The following RAB11FIP4 variants were observed in gnomAD, a reference collection of about 807,000 sequenced individuals.
RAB11FIP4 encodes the protein RAB11 family interacting protein 4, also known as rab11 family-interacting protein 4.
RAB11FIP4 carries 23 observed loss-of-function variants against 74.3 expected under a neutral mutation model. The ratio of observed to expected loss-of-function variants is 0.31; its 90% CI spans 0.22 to 0.44. RAB11FIP4 has a LOEUF of 0.44. Ranked by LOEUF, RAB11FIP4 falls within the 20% of genes least tolerant of loss-of-function variation. RAB11FIP4 has a pLI of 1.00. For missense variants in RAB11FIP4, 630 were observed against 863.9 expected, an observed-to-expected ratio of 0.73 and a Z score of 3.39; for synonymous variants, 360 against 359.9, an observed-to-expected ratio of 1.00 and a Z score of 0.00.
In RAB11FIP4 at chr17:31,450,636, C is replaced by G. The variant is rs574059484; in HGVS notation, c.336+16514C>G. ...TCCTCCTGGGTCCCTTTAAATGGCG[C>G]TGGGTCTCAGGCCTCGTCCTCACCC... On this transcript the variant is annotated intron_variant, in intron 3 of 14. Coordinates refer to ENST00000621161, the MANE Select transcript of RAB11FIP4 (RefSeq NM_032932.6). Among the ~76,000 whole-genome samples, 261 of 152,180 alleles carry G rather than the reference C, an allele frequency of 1.7e-3. 3 individuals are homozygous for G. Among genetic ancestry groups the G allele is most frequent in the Admixed American group, 0.013 (204 of 15,288 alleles).
At chr17:31,465,307 C>T (rs1373118697) in intron 3 of RAB11FIP4, among the ~76,000 whole-genome samples, 5 of 151,912 alleles carry the variant, frequency 3.3e-5, no homozygotes, top group African/African-American at 4.8e-5. Context: ...ATTCCTAGGC[C>T]CCATTGACTA....
At chr17:31,517,956 T>A in intron 4 of RAB11FIP4, 79 bp downstream of exon 4, 1 of 1,179,798 alleles carries the variant, frequency 8.5e-7, no homozygotes. Flanking sequence ...CTCCAGGAAG[T>A]AAATTTGAAA....
intron 3 of RAB11FIP4, among the ~76,000 whole-genome samples, chr17:31,478,136 G>A (rs1284237492): frequency 1.3e-5 from 2 of 151,674 alleles, no homozygotes; most frequent in South Asian, 2.1e-4. Context: ...GGGATTATAG[G>A]CGACCACCAC....
intron 3 of RAB11FIP4, among the ~76,000 whole-genome samples, chr17:31,443,474 T>G (rs1243958669): frequency 6.6e-6 from 1 of 152,248 alleles, no homozygotes; most frequent in East Asian, 1.9e-4. Flanking sequence ...GATTTTTAAT[T>G]CGTAGAATTG....
intron 1 of RAB11FIP4, among the ~76,000 whole-genome samples, chr17:31,400,333 G>T (rs560824951): frequency 6.6e-6 from 1 of 152,226 alleles, no homozygotes; most frequent in Non-Finnish European, 1.5e-5. Context: ...TCTTGGAAAC[G>T]TGGTCCAGGC....
chr17:31,514,764 C>A (rs1278259387), intron 3 of RAB11FIP4, among the ~76,000 whole-genome samples: 1 of 152,206 alleles, frequency 6.6e-6, no homozygotes, highest in Non-Finnish European at 1.5e-5. Context: ...CTCCCTCCTG[C>A]CTTGTTTCTC....
chr17:31,488,023 C>A (rs1456061383), intron 3 of RAB11FIP4: 4 of 1,011,922 alleles, frequency 4.0e-6, no homozygotes, highest in Non-Finnish European at 4.7e-6. Flanking sequence ...CCAGGCGCCT[C>A]GTGATGTCAC....
Position 31,528,834 on chromosome 17 carries a change from G to T in RAB11FIP4, c.1653+56G>T. The T allele has an allele frequency of 3.2e-6, 5 of 1,553,606 alleles. No homozygotes were observed. The South Asian group carries it at 3.5e-5, about 11-fold the overall frequency. On this transcript the variant is annotated intron_variant, in intron 13 of 14. Coordinates refer to ENST00000621161, the MANE Select transcript of RAB11FIP4 (RefSeq NM_032932.6). ...GCAGGGTGGCCGGGCCCACCACGTG[G>T]GTTTCCTGTGCAGGATCTGTGGTAG...
chr17:31,398,006 C>G (rs1430785371), intron 1 of RAB11FIP4, among the ~76,000 whole-genome samples: 1 of 152,102 alleles, frequency 6.6e-6, no homozygotes, highest in Non-Finnish European at 1.5e-5. Flanking sequence ...TCCCAAGTAG[C>G]TGGCACTGCA....
At chr17:31,456,901 G>A (rs140757916) in intron 3 of RAB11FIP4, among the ~76,000 whole-genome samples, 167 of 152,280 alleles carry the variant, frequency 1.1e-3, no homozygotes, top group African/African-American at 3.7e-3. Context: ...TGCAGTGGGA[G>A]AGAGCACTGA....
intron 3 of RAB11FIP4, among the ~76,000 whole-genome samples, chr17:31,497,205 A>G (rs2072133130): frequency 6.6e-6 from 1 of 152,054 alleles, no homozygotes; most frequent in South Asian, 2.1e-4. Context: ...CTCTACTGAA[A>G]ATACAAAAAT....
chr17:31,481,497 C>T (rs1184610287), intron 3 of RAB11FIP4, among the ~76,000 whole-genome samples: 15 of 152,234 alleles, frequency 9.9e-5, no homozygotes, highest in Non-Finnish European at 2.2e-4. Flanking sequence ...GACCTCTGTG[C>T]TGCCCAAGTC....
intron 3 of RAB11FIP4, among the ~76,000 whole-genome samples, chr17:31,459,261 ACT>A (rs1490932312): frequency 3.3e-5 from 5 of 151,820 alleles, no homozygotes; most frequent in Admixed American, 2.0e-4. Flanking sequence ...CTGGGAGTAG[ACT>A]CCTTCCTCTG....
intron 3 of RAB11FIP4, among the ~76,000 whole-genome samples, chr17:31,516,283 A>T (rs2072544602): frequency 6.6e-6 from 1 of 150,826 alleles, no homozygotes; most frequent in South Asian, 2.1e-4. Flanking sequence ...TTGGTCCTAA[A>T]AGCTGTTCAG....
chr17:31,401,170 G>T (rs987499817), intron 1 of RAB11FIP4, among the ~76,000 whole-genome samples: 3 of 152,142 alleles, frequency 2.0e-5, no homozygotes, highest in African/African-American at 7.2e-5. Context: ...TACTCGGGAG[G>T]CTGAGGTGGG....
intron 3 of RAB11FIP4, among the ~76,000 whole-genome samples, chr17:31,504,987 AT>A (rs1212004202): frequency 6.6e-6 from 1 of 152,032 alleles, no homozygotes; most frequent in Non-Finnish European, 1.5e-5. Context: ...CTTCTATCCC[AT>A]TTTTCCGTTT....
At chr17:31,442,959 C>A (rs76203345) in intron 3 of RAB11FIP4, among the ~76,000 whole-genome samples, 140 of 129,372 alleles carry the variant, frequency 1.1e-3, no homozygotes, top group East Asian at 1.3e-3. Flanking sequence ...GACTCTGTCT[C>A]AAAAAAAAAA....
chr17:31,457,720 C>G (rs2071592450), intron 3 of RAB11FIP4, among the ~76,000 whole-genome samples: 1 of 151,590 alleles, frequency 6.6e-6, no homozygotes, highest in African/African-American at 2.4e-5. Flanking sequence ...GGTGGCCACA[C>G]CCCTCCTGCT....
intron 3 of RAB11FIP4, among the ~76,000 whole-genome samples, chr17:31,514,482 CCG>C (rs1319446000): frequency 1.1e-5 from 1 of 88,890 alleles, no homozygotes; most frequent in African/African-American, 6.4e-5. Flanking sequence ...ATGTCCGGAC[CCG>C]GCTGTAAACT....
Sources: gnomAD v4.1 joint callset for allele counts (sites outside exome capture counted in the v4.1 genomes callset) on GRCh38, gnomAD v4.1.1 for gene constraint, MANE v1.5 for transcripts, NCBI Gene and HGNC (gene_info 2026-07-23, HGNC 2026-07-21) for gene names.